The following TESC variants were observed in gnomAD, a reference collection of about 807,000 sequenced individuals.
The protein encoded by TESC is tescalcin, also known as calcineurin B homologous protein 3.
TESC carries 19 observed loss-of-function variants against 31.0 expected under a neutral mutation model. The ratio of observed to expected loss-of-function variants is 0.61; its 90% CI spans 0.43 to 0.90. The LOEUF (loss-of-function observed/expected upper bound fraction) is 0.90. Among genes scored for constraint, TESC ranks in the 40% least tolerant of loss-of-function variants. TESC has a pLI of 0.00. For synonymous variants in TESC, 109 were observed against 114.8 expected (o/e 0.95, Z 0.32); for missense variants, 248 against 303.8 (o/e 0.82, Z 1.36).
chr12:117,089,304 G>A (rs961475972), intron 1 of TESC, among the ~76,000 whole-genome samples: 6 of 152,192 alleles, frequency 3.9e-5, no homozygotes, highest in African/African-American at 1.4e-4. Context: ...AATGCACTGT[G>A]TAAGGCTCTT....
chr12:117,092,727 T>TA (rs1955330104), intron 1 of TESC, among the ~76,000 whole-genome samples: 1 of 152,146 alleles, frequency 6.6e-6, no homozygotes, highest in African/African-American at 2.4e-5. Context: ...GCCTTGGAGT[T>TA]AGAGGCTGCA....
Position 117,069,323 on chromosome 12 carries a change from T to C in TESC, c.128+5948A>G, listed in dbSNP as rs1000064354. ...GTCATGATCTCAGCTCATTGCGACC[T>C]CTCCCTCCCATGTTCAAGCGATTCT... On this transcript the variant is annotated intron_variant, in intron 2 of 7. Coordinates refer to ENST00000335209, the MANE Select transcript of TESC (RefSeq NM_017899.4). Among the ~76,000 whole-genome samples the C allele has an allele frequency of 2.6e-5, 4 of 151,974 alleles. No homozygotes were observed. The South Asian group carries it at 8.3e-4, about 31-fold the overall frequency.
rs11068332 is a variant in TESC, at chr12:117,095,451, C to T, written c.58+3774G>A. On this transcript the variant is annotated intron_variant, in intron 1 of 7. Transcript: ENST00000335209. The stretch of plus-strand genomic sequence containing the variant: ...TTGTACACATCAAATGAAAACAGTG[C>T]TCCAGGCAGAGGAACAGCTTTTGTG... Among the ~76,000 whole-genome samples the T allele has an allele frequency of 3.5e-3, 530 of 152,310 alleles. 4 individuals are homozygous for T. Among genetic ancestry groups the T allele is most frequent in the African/African-American group, 0.012 (509 of 41,556 alleles).
At chr12:117,044,621 G>A (rs529610711) in intron 6 of TESC, among the ~76,000 whole-genome samples, 16 of 152,318 alleles carry the variant, frequency 1.1e-4, no homozygotes, top group African/African-American at 1.4e-4. Flanking sequence ...TCCACAGGCC[G>A]GCGCGACGGC....
intron 1 of TESC, among the ~76,000 whole-genome samples, chr12:117,095,512 T>C (rs1955380744): frequency 6.6e-6 from 1 of 152,198 alleles, no homozygotes; most frequent in African/African-American, 2.4e-5. Flanking sequence ...ACGGGAGTCT[T>C]TTCCTATCCC....
At chr12:117,045,304 T>C (rs1301708522) in intron 6 of TESC, among the ~76,000 whole-genome samples, 1 of 152,134 alleles carries the variant, frequency 6.6e-6, no homozygotes, top group African/African-American at 2.4e-5. Context: ...CTTCCCAGGC[T>C]GCGGGGGTTT....
Position 117,071,813 on chromosome 12 carries a change from G to A in TESC, c.128+3458C>T, listed in dbSNP as rs181989061. Among the ~76,000 whole-genome samples the A allele has an allele frequency of 1.4e-3, 212 of 152,234 alleles. 1 individual carries two copies. Among genetic ancestry groups the A allele is most frequent in the Non-Finnish European group, 2.0e-3 (137 of 68,010 alleles). On this transcript the variant is annotated intron_variant, in intron 2 of 7. Transcript: ENST00000335209. ...CCGGCGCCATCAGCACAGAGAGGCC[G>A]CGCCAGCTCAGCTCCTGCAGGAGGA...
At chr12:117,082,855 A>G (rs756546970) in intron 1 of TESC, among the ~76,000 whole-genome samples, 12 of 152,158 alleles carry the variant, frequency 7.9e-5, no homozygotes, top group Non-Finnish European at 1.8e-4. Flanking sequence ...CTTTTCTGCA[A>G]TTTACGGAGA....
Position 117,075,901 on chromosome 12 carries a change from A to ATATATGTG in TESC, c.59-562_59-561insCACATATA, listed in dbSNP as rs1565971575. ...TATATATATATATATATATATATAT[A>ATATATGTG]TATATATATATATGTGTGTGTGTAT... On this transcript the variant is annotated intron_variant, in intron 1 of 7. Coordinates refer to ENST00000335209, the MANE Select transcript of TESC (RefSeq NM_017899.4). Among the ~76,000 whole-genome samples, 81 of 86,074 alleles carry ATATATGTG rather than the reference A, an allele frequency of 9.4e-4. 1 individual carries two copies. Among genetic ancestry groups the ATATATGTG allele is most frequent in the African/African-American group, 5.7e-3 (76 of 13,232 alleles). The allele number at this position is 86,074 out of a possible 152,430, so 56.5% of individuals were successfully genotyped here.
intron 6 of TESC, among the ~76,000 whole-genome samples, chr12:117,045,596 G>A (rs188197827): frequency 2.9e-4 from 44 of 152,270 alleles, no homozygotes; most frequent in African/African-American, 1.0e-3. Flanking sequence ...TACACGTCAG[G>A]AAACCAACCG....
chr12:117,088,613 G>A (rs1022947974), intron 1 of TESC, among the ~76,000 whole-genome samples: 18 of 151,886 alleles, frequency 1.2e-4, no homozygotes, highest in Admixed American at 5.2e-4. Context: ...CCTGGGAGGC[G>A]GAGGTGGCAG....
chr12:117,056,738 A>G (rs2173654), intron 3 of TESC, 68 bp downstream of exon 3: 561,454 of 1,514,910 alleles, frequency 0.37, 111,346 homozygotes, highest in African/African-American at 0.71. Context: ...TCTAGGAAAC[A>G]AGTATCCCGA....
chr12:117,091,184 C>T (rs1955301294), intron 1 of TESC, among the ~76,000 whole-genome samples: 1 of 152,200 alleles, frequency 6.6e-6, no homozygotes, highest in African/African-American at 2.4e-5. Flanking sequence ...CTGGAGCAGG[C>T]AACAGGAAGG....
intron 1 of TESC, among the ~76,000 whole-genome samples, chr12:117,082,987 C>A (rs1251488478): frequency 6.6e-6 from 1 of 151,478 alleles, no homozygotes; most frequent in Non-Finnish European, 1.5e-5. Context: ...ACATTACTAG[C>A]GAGGATTTAA....
intron 2 of TESC, among the ~76,000 whole-genome samples, chr12:117,068,233 AG>A (rs1593009151): frequency 6.6e-6 from 1 of 151,944 alleles, no homozygotes; most frequent in East Asian, 2.0e-4. Context: ...AGCAGTGGTA[AG>A]AACACTGCTG....
chr12:117,057,210 T>C (rs1954738511), intron 2 of TESC, among the ~76,000 whole-genome samples: 2 of 152,072 alleles, frequency 1.3e-5, no homozygotes, highest in South Asian at 4.1e-4. Flanking sequence ...AGCAATGCCT[T>C]GCCTCAGCCT....
rs1445364786 is a variant in TESC at position 117,098,951 on chromosome 12, C to T, written c.58+274G>A. ...CTGCCCTGCGCTTGGGAAGCCTGGG[C>T]CCCGCTCCCTCCCCGGTCCGCAGTC... On this transcript the variant is annotated intron_variant, in intron 1 of 7. Transcript: ENST00000335209. 2.0e-5 allele frequency among the ~76,000 whole-genome samples: 3 copies of T among 152,016 alleles called. No individual in the cohort carries two copies. In the East Asian group the frequency reaches 5.8e-4, roughly 29 times the overall value.
At chr12:117,051,934 GTTTA>G (rs752119772) in intron 3 of TESC, among the ~76,000 whole-genome samples, 2 of 152,200 alleles carry the variant, frequency 1.3e-5, no homozygotes, top group East Asian at 1.9e-4. Flanking sequence ...TTAAATAAAA[GTTTA>G]TTTATTTATT....
At chr12:117,071,300 C>T (rs1954969017) in intron 2 of TESC, among the ~76,000 whole-genome samples, 2 of 152,242 alleles carry the variant, frequency 1.3e-5, no homozygotes, top group South Asian at 4.1e-4. Context: ...GCCCTGGACT[C>T]AGCACTTTGG....
Sources: gnomAD v4.1 joint callset for allele counts (sites outside exome capture counted in the v4.1 genomes callset) on GRCh38, gnomAD v4.1.1 for gene constraint, MANE v1.5 for transcripts, NCBI Gene and HGNC (gene_info 2026-07-23, HGNC 2026-07-21) for gene names.